The following EDEM2 variants were observed in gnomAD, a reference collection of about 807,000 sequenced individuals.
EDEM2 encodes ER degradation-enhancing alpha-mannosidase-like protein 2.
EDEM2 carries 39 observed loss-of-function variants against 64.8 expected under a neutral mutation model. The ratio of observed to expected loss-of-function variants is 0.60; its 90% CI spans 0.47 to 0.79. EDEM2 has a LOEUF of 0.79. Among genes scored for constraint, EDEM2 ranks in the 30% least tolerant of loss-of-function variants. EDEM2 has a pLI of 0.00. For synonymous variants in EDEM2, 296 were observed against 291.5 expected (o/e 1.02, Z -0.16); for missense variants, 609 against 731.3 (o/e 0.83, Z 1.93).
intron 3 of EDEM2, among the ~76,000 whole-genome samples, chr20:35,143,196 G>A (rs2085681601): frequency 6.6e-6 from 1 of 152,194 alleles, no homozygotes; most frequent in Non-Finnish European, 1.5e-5. Context: ...TGGAAATCCA[G>A]AAGCTTTCTC....
In EDEM2 at chr20:35,137,939, C is replaced by T. The variant is rs2085600422; in HGVS notation, c.431G>A (p.Trp144Ter). ...TCTCAGGAGAGGCCCGGAACAGGGCCATCCAGCCTCTACTTCCACCCCAGC... is the reference window on the plus strand; with the variant it reads ...TCTCAGGAGAGGCCCGGAACAGGGCTATCCAGCCTCTACTTCCACCCCAGC... ...KKAGVEVEAGWPCSGPLLRMA... is the reference protein window; with the variant it reads ...KKAGVEVEAG The change falls in exon 5 of 11, where the codon TGG becomes TAG. Residue 144 changes from tryptophan to a stop codon, truncating the protein, a stop_gained. Transcript: ENST00000374492. LOFTEE classifies it high-confidence loss of function. 1 of 1,614,096 alleles carries T rather than the reference C, an allele frequency of 6.2e-7. No homozygotes were observed. The highest frequency in any genetic ancestry group is 1.3e-5 in the African/African-American group (1 of 74,930).
intron 9 of EDEM2, among the ~76,000 whole-genome samples, chr20:35,122,840 G>A (rs1049763238): frequency 6.6e-6 from 1 of 152,186 alleles, no homozygotes; most frequent in Non-Finnish European, 1.5e-5. Context: ...AGGAAATGGG[G>A]TAGAGGAAGG....
intron 6 of EDEM2, 40 bp from the exon 7 acceptor site, chr20:35,131,823 G>T (rs79204710): frequency 8.8e-6 from 14 of 1,599,172 alleles, no homozygotes; most frequent in Non-Finnish European, 1.2e-5. Context: ...CGGGAAGGCC[G>T]ATGGCCAAAG....
chr20:35,119,680 C>A (rs1275941843), intron 9 of EDEM2, among the ~76,000 whole-genome samples: 1 of 152,104 alleles, frequency 6.6e-6, no homozygotes, highest in Non-Finnish European at 1.5e-5. Context: ...TTCACTGTGG[C>A]CAGAAAAAGT....
intron 7 of EDEM2, among the ~76,000 whole-genome samples, chr20:35,127,686 G>A (rs2085452754): frequency 6.6e-6 from 1 of 152,208 alleles, no homozygotes; most frequent in Non-Finnish European, 1.5e-5. Flanking sequence ...ATAAATATTT[G>A]TTGAATAAAT....
intron 7 of EDEM2, among the ~76,000 whole-genome samples, chr20:35,126,987 C>T (rs2085441874): frequency 6.6e-6 from 1 of 152,102 alleles, no homozygotes; most frequent in Admixed American, 6.6e-5. Flanking sequence ...AATTGTAGCT[C>T]CCATATTTCT....
chr20:35,127,133 C>A (rs1424437980), intron 7 of EDEM2, among the ~76,000 whole-genome samples: 3 of 152,190 alleles, frequency 2.0e-5, no homozygotes, highest in Non-Finnish European at 4.4e-5. Context: ...ACTTGGCTCT[C>A]ATTCTCTCTT....
At position 35,126,323 on chromosome 20, in the gene EDEM2, C is replaced by T. The variant is rs762709067; in HGVS notation, c.897G>A (p.Trp299Ter). 35 of 1,613,964 alleles carry T rather than the reference C, an allele frequency of 2.2e-5. No homozygotes were observed. Among genetic ancestry groups the T allele is most frequent in the Non-Finnish European group, 2.9e-5 (34 of 1,180,030 alleles). ...NYTRFDDWYLWVQMYKGTVSM... is the reference protein window; with the variant it reads ...NYTRFDDWYL Reference sequence around the variant, plus strand: ...ACACAGTCCCCTTGTACATCTGAACCCACAGGTACCAGTCATCGAAGCGGG... The same window carrying T: ...ACACAGTCCCCTTGTACATCTGAACTCACAGGTACCAGTCATCGAAGCGGG... The change falls in exon 8 of 11, where the codon TGG becomes TGA. Residue 299 changes from tryptophan (W) to a stop codon, truncating the protein, a stop_gained. Coordinates refer to ENST00000374492, the MANE Select transcript of EDEM2 (RefSeq NM_018217.3). LOFTEE classifies it high-confidence loss of function.
In EDEM2 at chr20:35,141,977, G is replaced by A. The variant is rs77399349; in HGVS notation, c.364+396C>T. On this transcript the variant is annotated intron_variant, in intron 4 of 10. Coordinates refer to ENST00000374492, the MANE Select transcript of EDEM2 (RefSeq NM_018217.3). The stretch of plus-strand genomic sequence containing the variant: ...AAATGCTCAATAGCTCATGTGGTTC[G>A]TGGCTACCATACTGGACAAAACACA... Among the ~76,000 whole-genome samples, 750 of 152,268 alleles carry A rather than the reference G, an allele frequency of 4.9e-3. 3 individuals are homozygous for A. The highest frequency in any genetic ancestry group is 0.017 in the African/African-American group (721 of 41,554).
intron 8 of EDEM2, 92 bp from the exon 9 acceptor site, chr20:35,124,126 C>T (rs2146092232): frequency 6.7e-7 from 1 of 1,483,208 alleles, no homozygotes; most frequent in East Asian, 2.3e-5. Context: ...TCTGTGGGGC[C>T]AAAAAGGCCT....
chr20:35,131,854 C>T, intron 6 of EDEM2, 71 bp from the exon 7 acceptor site: 1 of 1,557,836 alleles, frequency 6.4e-7, no homozygotes, highest in South Asian at 1.2e-5. Context: ...TCACCCCCAA[C>T]CCTGACTGCC....
At chr20:35,129,733 G>A (rs777750376) in intron 7 of EDEM2, among the ~76,000 whole-genome samples, 7 of 152,126 alleles carry the variant, frequency 4.6e-5, no homozygotes, top group Non-Finnish European at 1.0e-4. Flanking sequence ...TTCCTGTCCT[G>A]TGAACTTCAT....
At chr20:35,131,561 GTC>G in intron 7 of EDEM2, 79 bp downstream of exon 7, 1 of 1,541,972 alleles carries the variant, frequency 6.5e-7, no homozygotes, top group Non-Finnish European at 8.8e-7. Flanking sequence ...GCAAGACTCT[GTC>G]TCAAAAAAAA....
At chr20:35,136,200 A>T (rs187697314) in intron 5 of EDEM2, among the ~76,000 whole-genome samples, 16 of 152,372 alleles carry the variant, frequency 1.1e-4, no homozygotes, top group Admixed American at 6.5e-4. Context: ...AGAAAAAGTC[A>T]GGCTGTAATA....
chr20:35,134,353 A>C (rs1023599230), intron 6 of EDEM2, among the ~76,000 whole-genome samples: 5 of 152,176 alleles, frequency 3.3e-5, no homozygotes, highest in Non-Finnish European at 5.9e-5. Context: ...ACTGCCACTC[A>C]GTATCTCTCA....
At chr20:35,125,510 G>A (rs1406369488) in intron 8 of EDEM2, among the ~76,000 whole-genome samples, 1 of 151,752 alleles carries the variant, frequency 6.6e-6, no homozygotes. Flanking sequence ...TCAGCCTCCC[G>A]AGTAGCTGGG....
At chr20:35,140,214 G>C (rs554125143) in intron 4 of EDEM2, among the ~76,000 whole-genome samples, 1 of 152,328 alleles carries the variant, frequency 6.6e-6, no homozygotes, top group Non-Finnish European at 1.5e-5. Context: ...GCCAGGCACA[G>C]TGGCTAAACC....
intron 4 of EDEM2, among the ~76,000 whole-genome samples, chr20:35,139,397 C>T (rs766479877): frequency 1.3e-5 from 2 of 149,572 alleles, no homozygotes; most frequent in Non-Finnish European, 3.0e-5. Flanking sequence ...GCCTGTAATC[C>T]CAGCACTTTG....
chr20:35,118,457 T>C (rs773411333), intron 10 of EDEM2, 141 bp downstream of exon 10: 2 of 1,283,658 alleles, frequency 1.6e-6, no homozygotes, highest in African/African-American at 3.0e-5. Context: ...TCTCCCCATC[T>C]GTAAAATATG....
Sources: gnomAD v4.1 joint callset for allele counts (sites outside exome capture counted in the v4.1 genomes callset) on GRCh38, gnomAD v4.1.1 for gene constraint, MANE v1.5 for transcripts, NCBI Gene and HGNC (gene_info 2026-07-23, HGNC 2026-07-21) for gene names.